XIRP2: variants seen among roughly 807,000 people sequenced by gnomAD.
The protein encoded by XIRP2 is xin actin-binding repeat-containing protein 2.
In XIRP2, 236 loss-of-function variants were observed where a neutral mutation model predicts 277.0. The ratio of observed to expected loss-of-function variants is 0.85; its 90% confidence interval spans 0.77 to 0.95. XIRP2 has a LOEUF of 0.95. Among genes scored for constraint, XIRP2 ranks in the 40% least tolerant of loss-of-function variants. The probability of loss-of-function intolerance (pLI) is 0.00; values close to 1 mark genes in which losing one functional copy is unlikely to be tolerated. For missense variants in XIRP2, 4,640 were observed against 4,157.5 expected (o/e 1.12, Z -3.19); for synonymous variants, 1,490 against 1,416.5 (o/e 1.05, Z -1.17).
intron 2 of XIRP2, among the ~76,000 whole-genome samples, chr2:166,935,991 G>C (rs571921899): frequency 6.6e-6 from 1 of 152,208 alleles, no homozygotes; most frequent in Non-Finnish European, 1.5e-5. Flanking sequence ...TCGCCATACT[G>C]TCTTCCAAAT....
chr2:167,069,501 C>A (rs1222214800), intron 2 of XIRP2, among the ~76,000 whole-genome samples: 2 of 152,170 alleles, frequency 1.3e-5, no homozygotes, highest in Non-Finnish European at 2.9e-5. Flanking sequence ...TTTGTCTTAT[C>A]AGAATTCCAG....
In XIRP2 at chr2:167,248,830, A is replaced by T; in HGVS notation, c.7438A>T (p.Asn2480Tyr). The stretch of plus-strand genomic sequence containing the variant: ...CAGTGAACACACGGAGACAAAGCAG[A>T]ACGTTATTAGTAAGAGTCTTGATGA... The part of the protein sequence containing the change: ...TSSEHTETKQ[N>Y]VISKSLDERK... Residue 2480 changes from asparagine (N) to tyrosine (Y), a missense_variant, in exon 9 of 11, where the codon AAC (asparagine) becomes TAC (tyrosine). Asn to Tyr is a moderately radical substitution (Grantham distance 143). Coordinates refer to ENST00000409195, the MANE Select transcript of XIRP2 (RefSeq NM_152381.6). 6.2e-7 allele frequency: 1 copy of T among 1,613,220 alleles called. No individual in the cohort carries two copies. The highest frequency in any genetic ancestry group is 8.5e-7 in the Non-Finnish European group (1 of 1,179,370).
At chr2:167,198,148 A>T (rs1479905188) in intron 3 of XIRP2, among the ~76,000 whole-genome samples, 1 of 152,200 alleles carries the variant, frequency 6.6e-6, no homozygotes, top group Admixed American at 6.5e-5. Context: ...ATCATAAGCA[A>T]GGAAGACTAT....
chr2:166,939,281 G>A (rs2105379176), intron 2 of XIRP2, among the ~76,000 whole-genome samples: 1 of 152,234 alleles, frequency 6.6e-6, no homozygotes. Flanking sequence ...TTTTAGGGCA[G>A]GCCTGGTGGT....
chr2:167,006,949 T>C (rs1687518617), intron 2 of XIRP2, among the ~76,000 whole-genome samples: 1 of 151,664 alleles, frequency 6.6e-6, no homozygotes, highest in African/African-American at 2.4e-5. Context: ...TGAAAATCTA[T>C]AGGAACAATG....
At chr2:167,203,816 A>G (rs1003258988) in intron 3 of XIRP2, among the ~76,000 whole-genome samples, 1 of 152,222 alleles carries the variant, frequency 6.6e-6, no homozygotes, top group African/African-American at 2.4e-5. Context: ...GAATTATAGA[A>G]AAATTTATTC....
chr2:167,240,405 A>C (rs539224449), intron 6 of XIRP2, among the ~76,000 whole-genome samples: 1 of 152,052 alleles, frequency 6.6e-6, no homozygotes, highest in African/African-American at 2.4e-5. Flanking sequence ...ACAGTGCAAG[A>C]CTCCTTCTCA....
At chr2:167,142,571 T>C (rs1460240343) in intron 3 of XIRP2, among the ~76,000 whole-genome samples, 1 of 149,096 alleles carries the variant, frequency 6.7e-6, no homozygotes, top group Non-Finnish European at 1.5e-5. Flanking sequence ...AATAAAAAAA[T>C]AAAAAAAAAG....
intron 2 of XIRP2, among the ~76,000 whole-genome samples, chr2:167,084,241 A>G (rs1360281907): frequency 6.6e-6 from 1 of 152,156 alleles, no homozygotes; most frequent in African/African-American, 2.4e-5. Flanking sequence ...GCTGGATTAC[A>G]TTTATTGATT....
In XIRP2 at chr2:167,246,918, A is replaced by G. The variant is rs1248536503; in HGVS notation, c.5526A>G (p.Thr1842=). 1.9e-6 allele frequency: 3 copies of G among 1,613,258 alleles called. No individual in the cohort carries two copies. The highest frequency in any genetic ancestry group is 1.1e-5 in the South Asian group (1 of 91,032). The change falls in exon 9 of 11, where the codon ACA becomes ACG. Residue 1842 remains threonine (T), a synonymous_variant. Coordinates refer to ENST00000409195, the MANE Select transcript of XIRP2 (RefSeq NM_152381.6). ...AAGAGATTATAAAAGGTGATTTGAC[A>G]TCAACCCTAAATTCCCTCAGCCAGG... ...PKEEIIKGDL[T]STLNSLSQAV...
intron 2 of XIRP2, among the ~76,000 whole-genome samples, chr2:166,996,112 C>G (rs1687214617): frequency 6.6e-6 from 1 of 152,110 alleles, no homozygotes; most frequent in African/African-American, 2.4e-5. Flanking sequence ...TCCTTGAGGG[C>G]AAGGGTTGAA....
At chr2:166,945,442 G>A (rs1416609508) in intron 2 of XIRP2, among the ~76,000 whole-genome samples, 2 of 151,894 alleles carry the variant, frequency 1.3e-5, no homozygotes, top group Admixed American at 6.6e-5. Context: ...TATGAGAGCT[G>A]TAAAAAGTAA....
chr2:167,163,455 A>T (rs1296782417), intron 3 of XIRP2, among the ~76,000 whole-genome samples: 1 of 152,126 alleles, frequency 6.6e-6, no homozygotes. Context: ...GGGCATATTT[A>T]TCTCTCTTAA....
chr2:167,037,105 G>C (rs1688529700), intron 2 of XIRP2, among the ~76,000 whole-genome samples: 1 of 152,110 alleles, frequency 6.6e-6, no homozygotes. Flanking sequence ...TTCAATAATA[G>C]CTGGAGACTT....
At chr2:167,040,536 G>GAGAC (rs561750430) in intron 2 of XIRP2, among the ~76,000 whole-genome samples, 130 of 152,264 alleles carry the variant, frequency 8.5e-4, no homozygotes, top group African/African-American at 2.9e-3. Flanking sequence ...AGTGTTGGCA[G>GAGAC]AGACAGAAAT....
In XIRP2 at chr2:167,250,517, C is replaced by T. The variant is rs201507149; in HGVS notation, c.9125C>T (p.Pro3042Leu). The T allele has an allele frequency of 4.9e-4, 793 of 1,613,400 alleles. 1 individual carries two copies. Among genetic ancestry groups the T allele is most frequent in the Non-Finnish European group, 6.0e-4 (711 of 1,179,618 alleles). ...ATGATGTCCTCCAAAACAGGAAAAC[C>T]GGGAAATAAACCCACTAGTCTTGAT... ...TAMMSSKTGK[P>L]GNKPTSLDET... The change falls in exon 9 of 11, where the codon CCG becomes CTG. Residue 3042 changes from proline (P) to leucine (L), a missense_variant. Physicochemically the swap from Pro to Leu is moderately conservative, Grantham distance 98. Coordinates refer to ENST00000409195, the MANE Select transcript of XIRP2 (RefSeq NM_152381.6).
intron 1 of XIRP2, among the ~76,000 whole-genome samples, chr2:166,895,684 C>G (rs1300842596): frequency 6.6e-6 from 1 of 152,112 alleles, no homozygotes; most frequent in Admixed American, 6.6e-5. Flanking sequence ...TGTATTTTAA[C>G]ATACACAGGC....
At chr2:167,030,493 G>A (rs1319410009) in intron 2 of XIRP2, among the ~76,000 whole-genome samples, 1 of 152,114 alleles carries the variant, frequency 6.6e-6, no homozygotes, top group Non-Finnish European at 1.5e-5. Context: ...TTCAGGAGCA[G>A]GTTGTTCAGT....
chr2:167,215,817 T>G (rs965516958), intron 4 of XIRP2, among the ~76,000 whole-genome samples: 2 of 152,204 alleles, frequency 1.3e-5, no homozygotes, highest in Non-Finnish European at 2.9e-5. Flanking sequence ...GGCTCTGGAA[T>G]GTGCTGAATC....
Sources: gnomAD v4.1 joint callset for allele counts (sites outside exome capture counted in the v4.1 genomes callset) on GRCh38, gnomAD v4.1.1 for gene constraint, MANE v1.5 for transcripts, NCBI Gene and HGNC (gene_info 2026-07-23, HGNC 2026-07-21) for gene names.